The following CTNNA2 variants were observed in gnomAD, a reference collection of about 807,000 sequenced individuals.
CTNNA2 encodes catenin alpha-2.
CTNNA2 carries 42 observed loss-of-function variants against 101.0 expected under a neutral mutation model. The observed-to-expected ratio is 0.42, with a 90% CI of 0.32 to 0.54. The LOEUF (loss-of-function observed/expected upper bound fraction) is 0.54, where lower values mean the gene tolerates loss of function less well. Among genes scored for constraint, CTNNA2 ranks in the 20% least tolerant of loss-of-function variants. CTNNA2 has a pLI of 0.14. For missense variants in CTNNA2, 871 were observed against 1,223.1 expected (o/e 0.71, Z 4.29); for synonymous variants, 450 against 456.4 (o/e 0.99, Z 0.18).
intron 7 of CTNNA2, among the ~76,000 whole-genome samples, chr2:80,072,753 C>T (rs1198851997): frequency 6.6e-6 from 1 of 151,860 alleles, no homozygotes; most frequent in East Asian, 1.9e-4. Flanking sequence ...AGCAGAGCAG[C>T]GATGGTGAAG....
intron 3 of CTNNA2, among the ~76,000 whole-genome samples, chr2:79,356,095 C>T (rs917272216): frequency 7.5e-4 from 114 of 151,004 alleles, no homozygotes; most frequent in Non-Finnish European, 1.5e-3. Flanking sequence ...AATATATATA[C>T]CTATATAATT....
At chr2:80,033,815 T>G (rs1009905237) in intron 7 of CTNNA2, among the ~76,000 whole-genome samples, 1 of 151,988 alleles carries the variant, frequency 6.6e-6, no homozygotes, top group African/African-American at 2.4e-5. Flanking sequence ...ATATGGAAAT[T>G]CAGTGTATGA....
At position 79,805,869 on chromosome 2, in the gene CTNNA2, C is replaced by T. The variant is rs529393248; in HGVS notation, c.299-52144C>T. ...AGGAGAATGGCGTGAACCTGGGAGG[C>T]GGAGCTTGCAGTGAGCCGAGATTGC... On this transcript the variant is annotated intron_variant, in intron 3 of 18. Transcript: ENST00000402739. Among the ~76,000 whole-genome samples the T allele has an allele frequency of 5.2e-4, 78 of 151,274 alleles. 1 individual carries two copies. The highest frequency in any genetic ancestry group is 2.5e-3 in the Admixed American group (38 of 15,176).
intron 7 of CTNNA2, among the ~76,000 whole-genome samples, chr2:79,974,197 C>A (rs879684232): frequency 3.3e-5 from 5 of 152,014 alleles, no homozygotes; most frequent in African/African-American, 1.2e-4. Flanking sequence ...TTCTTTTAGT[C>A]TCAGTTTACC....
intron 2 of CTNNA2, among the ~76,000 whole-genome samples, chr2:79,722,979 T>C (rs1686584834): frequency 6.6e-6 from 1 of 152,198 alleles, no homozygotes; most frequent in Admixed American, 6.5e-5. Context: ...AAGGAGATTA[T>C]ATTTCATATA....
chr2:80,609,505 G>C (rs1021219951), intron 17 of CTNNA2, among the ~76,000 whole-genome samples: 7 of 151,604 alleles, frequency 4.6e-5, no homozygotes, highest in Admixed American at 6.6e-5. Context: ...AAATGATCCT[G>C]CTTCAACATT....
intron 1 of CTNNA2, among the ~76,000 whole-genome samples, chr2:79,579,828 G>T (rs1218522887): frequency 6.6e-6 from 1 of 152,054 alleles, no homozygotes. Flanking sequence ...TGGTCAGGCT[G>T]GTCTTAAACT....
intron 2 of CTNNA2, among the ~76,000 whole-genome samples, chr2:79,247,240 A>G (rs914597751): frequency 1.3e-5 from 2 of 152,194 alleles, no homozygotes; most frequent in African/African-American, 4.8e-5. Flanking sequence ...CCAGCCCAAC[A>G]TGCATTGTGG....
chr2:79,874,086 A>G lies in CTNNA2; in HGVS notation c.596A>G (p.Asp199Gly), dbSNP rs749187393. 6.2e-7 allele frequency: 1 copy of G among 1,614,016 alleles called. No homozygotes were observed. The highest frequency in any genetic ancestry group is 8.5e-7 in the Non-Finnish European group (1 of 1,180,030). ...VAARRQQELK[D>G]PHCRDEMAAA... is the part of the protein sequence containing the mutation. ...GTGTTACACACACAGGAGCTGAAGG[A>G]TCCTCACTGTCGGGATGAGATGGCA... The change falls in exon 6 of 19, where the codon GAT (aspartate) becomes GGT (glycine). Residue 199 changes from aspartate to glycine, a missense_variant. This residue lies in a region of CTNNA2 where 647 missense variants were observed against 831.5 expected (regional missense o/e 0.78). Transcript: ENST00000402739.
intron 1 of CTNNA2, among the ~76,000 whole-genome samples, chr2:79,626,225 A>G (rs1334406945): frequency 6.6e-6 from 1 of 152,144 alleles, no homozygotes; most frequent in African/African-American, 2.4e-5. Flanking sequence ...ATCAACTGTG[A>G]TACAATGTGC....
At chr2:79,840,641 G>T (rs1679725941) in intron 3 of CTNNA2, among the ~76,000 whole-genome samples, 1 of 151,966 alleles carries the variant, frequency 6.6e-6, no homozygotes, top group South Asian at 2.1e-4. Context: ...TTTTTTAAAG[G>T]CTCCACTTCT....
chr2:79,792,611 G>GAA (rs112467477), intron 3 of CTNNA2, among the ~76,000 whole-genome samples: 2 of 149,356 alleles, frequency 1.3e-5, no homozygotes, highest in East Asian at 3.9e-4. Context: ...CCTTTTTTGG[G>GAA]AAAAAAAAAA....
chr2:79,723,061 A>G (rs1250264147), intron 2 of CTNNA2, among the ~76,000 whole-genome samples: 1 of 152,250 alleles, frequency 6.6e-6, no homozygotes, highest in Non-Finnish European at 1.5e-5. Context: ...TGCAAGATTT[A>G]TAAAAATACT....
rs761680851 is a variant in CTNNA2 at position 80,081,254 on chromosome 2, TC to T, written c.1056+171461del. Among the ~76,000 whole-genome samples, 13 of 152,262 alleles carry T rather than the reference TC, an allele frequency of 8.5e-5. No homozygotes were observed. The East Asian group carries it at 2.3e-3, about 27-fold the overall frequency. On this transcript the variant is annotated intron_variant, in intron 7 of 18. Coordinates refer to ENST00000402739, the MANE Select transcript of CTNNA2 (RefSeq NM_001282597.3). ...GTTTGGTGTTTTCGCTTAGAGATGCTCCCCTATTCCATTTTATAGCAGGCTT... is the reference window on the plus strand; with the variant it reads ...GTTTGGTGTTTTCGCTTAGAGATGCTCCCTATTCCATTTTATAGCAGGCTT...
At chr2:79,939,358 A>G (rs73938422) in intron 7 of CTNNA2, among the ~76,000 whole-genome samples, 2,353 of 152,274 alleles carry the variant, frequency 0.015, 66 homozygotes, top group African/African-American at 0.054. Flanking sequence ...CCATTACCGC[A>G]GTATTTACCT....
chr2:79,786,079 A>C (rs1475404386), intron 3 of CTNNA2, among the ~76,000 whole-genome samples: 1 of 152,168 alleles, frequency 6.6e-6, no homozygotes, highest in Non-Finnish European at 1.5e-5. Context: ...TGATTGGAAG[A>C]GGTCTTATCC....
intron 7 of CTNNA2, among the ~76,000 whole-genome samples, chr2:80,386,806 A>C (rs1389378167): frequency 1.3e-5 from 2 of 152,234 alleles, no homozygotes; most frequent in Non-Finnish European, 2.9e-5. Context: ...TCATGTCTGC[A>C]GGTCCCTTCA....
chr2:79,780,608 T>C (rs1177324933), intron 3 of CTNNA2, among the ~76,000 whole-genome samples: 1 of 152,172 alleles, frequency 6.6e-6, no homozygotes, highest in Admixed American at 6.5e-5. Flanking sequence ...CACCATTTAG[T>C]CTACTTTAAG....
rs445812 is a variant in CTNNA2 at position 79,471,093 on chromosome 2, G to C, written c.-134-33961G>C. Among the ~76,000 whole-genome samples, 3 of 152,002 alleles carry C rather than the reference G, an allele frequency of 2.0e-5. No homozygotes were observed. In the East Asian group the frequency reaches 5.8e-4, roughly 30 times the overall value. On this transcript the variant is annotated intron_variant, in intron 4 of 21. Transcript: ENST00000466387. ...GCATAATGAAATTTTTATGAGAAAAGTAACTATATAGGCTGGATGTTGGCT... is the reference window on the plus strand; with the variant it reads ...GCATAATGAAATTTTTATGAGAAAACTAACTATATAGGCTGGATGTTGGCT...
Sources: allele counts gnomAD v4.1 joint callset (sites outside exome capture counted in the v4.1 genomes callset), GRCh38; gene constraint gnomAD v4.1.1; regional missense constraint gnomAD v4.1.1; transcripts MANE v1.5; gene names NCBI Gene and HGNC (gene_info 2026-07-23, HGNC 2026-07-21).